AMOTL1: variants seen among roughly 807,000 people sequenced by gnomAD.
AMOTL1 encodes angiomotin-like protein 1.
Under a neutral mutation model 102.9 loss-of-function variants are expected in AMOTL1, and 45 were observed. The observed-to-expected ratio is 0.44, with a 90% CI of 0.34 to 0.56. The LOEUF (loss-of-function observed/expected upper bound fraction) is 0.56, where lower values mean the gene tolerates loss of function less well. Among genes scored for constraint, AMOTL1 ranks in the 20% least tolerant of loss-of-function variants. The pLI is 0.01. For missense variants in AMOTL1, 1,114 were observed against 1,225.6 expected, an observed-to-expected ratio of 0.91 and a Z score of 1.36; for synonymous variants, 481 against 484.7, an observed-to-expected ratio of 0.99 and a Z score of 0.10.
chr11:94,875,455 G>A lies in AMOTL1; in HGVS notation c.*4660G>A, dbSNP rs1296076235. 1.3e-5 allele frequency: 2 copies of A among 152,198 alleles called. No individual in the cohort carries two copies. Among genetic ancestry groups the A allele is most frequent in the African/African-American group, 4.8e-5 (2 of 41,448 alleles). 9.4% of individuals were successfully genotyped at this position (152,198 alleles called of 1,614,324 possible). A position where few individuals can be genotyped will look rare whatever the true frequency, so the allele number is the denominator to read the frequency against. On this transcript the variant is annotated 3_prime_UTR_variant, in exon 13 of 13. Coordinates refer to ENST00000433060, the MANE Select transcript of AMOTL1 (RefSeq NM_130847.3). ...GAATTTCTTTTCCTAACATACAGAA[G>A]ATCAAAGTGTTCATCTCACCCCGCC...
In AMOTL1 at chr11:94,843,034, C is replaced by CAG. The variant is rs1226557506; in HGVS notation, c.1649-7078_1649-7077dup. Among the ~76,000 whole-genome samples, 4 of 152,200 alleles carry CAG rather than the reference C, an allele frequency of 2.6e-5. No homozygotes were observed. In the East Asian group the frequency reaches 7.7e-4, roughly 29 times the overall value. On this transcript the variant is annotated intron_variant, in intron 6 of 12. Coordinates refer to ENST00000433060, the MANE Select transcript of AMOTL1 (RefSeq NM_130847.3). ...GCAGCCTATGTATCCAGCTGCCTGG[C>CAG]AGAACCCTGGTAATCTGCACCAGAG...
At chr11:94,816,633 A>T (rs1170893822) in intron 3 of AMOTL1, among the ~76,000 whole-genome samples, 1 of 152,150 alleles carries the variant, frequency 6.6e-6, no homozygotes, top group East Asian at 1.9e-4. Flanking sequence ...AATTAAAGTT[A>T]TCACATCTGT....
intron 6 of AMOTL1, among the ~76,000 whole-genome samples, chr11:94,845,298 C>G (rs1475987738): frequency 6.6e-6 from 1 of 152,194 alleles, no homozygotes; most frequent in Non-Finnish European, 1.5e-5. Flanking sequence ...AGGCCTATTT[C>G]TACTTTCTAC....
At chr11:94,747,552 T>A (rs1014144270) in intron 3 of AMOTL1, among the ~76,000 whole-genome samples, 2 of 152,180 alleles carry the variant, frequency 1.3e-5, no homozygotes, top group African/African-American at 4.8e-5. Context: ...ACTTAAATAT[T>A]TCCCAGTCTC....
At chr11:94,732,327 C>T (rs915223507) in intron 2 of AMOTL1, among the ~76,000 whole-genome samples, 1 of 152,174 alleles carries the variant, frequency 6.6e-6, no homozygotes, top group Non-Finnish European at 1.5e-5. Flanking sequence ...CTATTATCCT[C>T]AGAGCATCTC....
chr11:94,780,541 C>T lies in AMOTL1; in HGVS notation c.49+11981C>T, dbSNP rs185547288. On this transcript the variant is annotated intron_variant, in intron 1 of 12. Transcript: ENST00000433060. ...TCTAAAAGCTTTCATCTCTTATCTG[C>T]CTGAGCATCTTGCTGCTGTTCTATT... 2.6e-5 allele frequency among the ~76,000 whole-genome samples: 4 copies of T among 152,326 alleles called. No homozygotes were observed. The East Asian group carries it at 7.7e-4, about 29-fold the overall frequency.
At chr11:94,725,363 G>A (rs1950240204) in intron 1 of AMOTL1, among the ~76,000 whole-genome samples, 1 of 152,106 alleles carries the variant, frequency 6.6e-6, no homozygotes, top group Admixed American at 6.6e-5. Flanking sequence ...GGCAATGGGT[G>A]AGGTTGCAAA....
At chr11:94,772,378 C>T (rs1950965674) in intron 1 of AMOTL1, among the ~76,000 whole-genome samples, 1 of 152,190 alleles carries the variant, frequency 6.6e-6, no homozygotes, top group Admixed American at 6.5e-5. Context: ...TTCTCCCCAT[C>T]CTCACTCTGT....
intron 9 of AMOTL1, among the ~76,000 whole-genome samples, chr11:94,862,266 C>A (rs1303071292): frequency 6.6e-6 from 1 of 152,110 alleles, no homozygotes; most frequent in African/African-American, 2.4e-5. Context: ...TCAAAGAAAA[C>A]CTCTGTCATT....
intron 6 of AMOTL1, among the ~76,000 whole-genome samples, chr11:94,833,018 G>C (rs1486895872): frequency 6.6e-6 from 1 of 152,240 alleles, no homozygotes; most frequent in Non-Finnish European, 1.5e-5. Flanking sequence ...ATGTTCTTCA[G>C]AAAGACTTTA....
chr11:94,835,570 G>A (rs1440504049), intron 6 of AMOTL1, among the ~76,000 whole-genome samples: 1 of 152,216 alleles, frequency 6.6e-6, no homozygotes. Context: ...TCATTTTATT[G>A]GGGTTTTTAA....
At chr11:94,835,728 G>A (rs529651055) in intron 6 of AMOTL1, among the ~76,000 whole-genome samples, 7 of 152,190 alleles carry the variant, frequency 4.6e-5, no homozygotes, top group Non-Finnish European at 8.8e-5. Flanking sequence ...GCTAGGCACT[G>A]CAGGTTCAAC....
At chr11:94,861,400 C>A (rs1165291816) in intron 9 of AMOTL1, among the ~76,000 whole-genome samples, 2 of 152,156 alleles carry the variant, frequency 1.3e-5, no homozygotes, top group Non-Finnish European at 2.9e-5. Context: ...GAGAACAGGT[C>A]ATCATAAAGT....
chr11:94,768,487 G>A lies in AMOTL1; in HGVS notation c.-25G>A. ...CCGGCAGCCGTCTTCCCCAGCCGAG[G>A]GACTGAACTAGCCATGATCGCCTCA... On this transcript the variant is annotated 5_prime_UTR_variant, in exon 1 of 13. Coordinates refer to ENST00000433060, the MANE Select transcript of AMOTL1 (RefSeq NM_130847.3). 1 of 1,587,716 alleles carries A rather than the reference G, an allele frequency of 6.3e-7. No individual in the cohort carries two copies. The highest frequency in any genetic ancestry group is 8.6e-7 in the Non-Finnish European group (1 of 1,168,100).
chr11:94,869,087 CAATGAATGAATG>C, intron 11 of AMOTL1, 99 bp from the exon 12 acceptor site: 7 of 1,243,788 alleles, frequency 5.6e-6, no homozygotes, highest in Non-Finnish European at 7.5e-6. Context: ...GGGAATGAAT[CAATGAATGAATG>C]AAGCAATCAT....
chr11:94,771,253 C>A (rs377118091), intron 1 of AMOTL1, among the ~76,000 whole-genome samples: 844 of 18,374 alleles, frequency 0.046, 26 homozygotes, highest in African/African-American at 0.092. Flanking sequence ...TTCTTTTTGG[C>A]GGGGTTGGGG....
rs199519137 is a variant in AMOTL1, at chr11:94,713,544, GT to G, written c.-51+6955del. ...TTCTGCACTTATGTGAGTCTTCTTT[GT>G]TTTTTTTAATGAATATTTTATAATT... On this transcript the variant is annotated intron_variant, in intron 1 of 4. Transcript: ENST00000299004. Among the ~76,000 whole-genome samples, 12 of 150,844 alleles carry G rather than the reference GT, an allele frequency of 8.0e-5. No individual in the cohort carries two copies. The East Asian group carries it at 1.8e-3, about 22-fold the overall frequency.
At chr11:94,760,941 TA>T (rs1950784652) in intron 3 of AMOTL1, among the ~76,000 whole-genome samples, 1 of 152,032 alleles carries the variant, frequency 6.6e-6, no homozygotes, top group South Asian at 2.1e-4. Context: ...TTTTTATTTT[TA>T]TTTTTATTTT....
At chr11:94,785,667 G>A in intron 1 of AMOTL1, among the ~76,000 whole-genome samples, 1 of 152,166 alleles carries the variant, frequency 6.6e-6, no homozygotes, top group Non-Finnish European at 1.5e-5. Context: ...GCCGCTGCCT[G>A]ACAGATATCC....
Sources: gnomAD v4.1 joint callset for allele counts (sites outside exome capture counted in the v4.1 genomes callset) on GRCh38, gnomAD v4.1.1 for gene constraint, MANE v1.5 for transcripts, NCBI Gene and HGNC (gene_info 2026-07-23, HGNC 2026-07-21) for gene names.